The following PCDHGA5 variants were observed in gnomAD, a reference collection of about 807,000 sequenced individuals.
PCDHGA5 encodes protocadherin gamma-A5.
Under a neutral mutation model 56.7 loss-of-function variants are expected in PCDHGA5, and 36 were observed. The observed-to-expected ratio is 0.64, with a 90% confidence interval of 0.49 to 0.84. The LOEUF is 0.84. PCDHGA5 is among the 40% of genes least tolerant of loss of function. The probability of loss-of-function intolerance (pLI) is 0.00; values close to 1 mark genes in which losing one functional copy is unlikely to be tolerated. For missense variants in PCDHGA5, 1,305 were observed against 1,201.5 expected (o/e 1.09, Z -1.27); for synonymous variants, 563 against 520.2 (o/e 1.08, Z -1.12).
At position 141,432,646 on chromosome 5, in the gene PCDHGA5, G is replaced by A. The variant is rs780822589; in HGVS notation, c.2422-62161G>A. 9.3e-6 allele frequency: 15 copies of A among 1,613,690 alleles called. No individual in the cohort carries two copies. The highest frequency in any genetic ancestry group is 1.3e-5 in the Non-Finnish European group (15 of 1,179,944). ...TGCACACGGGCGAGGTGCGCACGGCGCGAGCCCTGCTGGACAGAGACGCGC... is the reference window on the plus strand; with the variant it reads ...TGCACACGGGCGAGGTGCGCACGGCACGAGCCCTGCTGGACAGAGACGCGC... On this transcript the variant is annotated intron_variant, in intron 1 of 3. Transcript: ENST00000518069. This position sits in a 1 kb window ranked among gnomAD's most constrained non-coding sequence, Gnocchi z 6.0.
Position 141,365,502 on chromosome 5 carries a change from C to A in PCDHGA5, c.1172C>A (p.Pro391His), listed in dbSNP as rs373907411. ...GCATGCTCTATTCCTAGGAATTTGC[C>A]TTTTAAATTGGAGAAGTCAGTTGAT... ...EIACSIPRNLPFKLEKSVDNY... is the reference protein window; with the variant it reads ...EIACSIPRNLHFKLEKSVDNY... Residue 391 changes from proline (P) to histidine (H), a missense_variant, in exon 1 of 4, where the codon CCT becomes CAT. Physicochemically the swap from Pro to His is moderately conservative, Grantham distance 77. Transcript: ENST00000518069. 122 of 1,613,800 alleles carry A rather than the reference C, an allele frequency of 7.6e-5. No individual in the cohort carries two copies. Among genetic ancestry groups the A allele is most frequent in the Admixed American group, 1.3e-4 (8 of 60,004 alleles).
chr5:141,415,062 G>C, intron 1 of PCDHGA5: 1 of 1,613,426 alleles, frequency 6.2e-7, no homozygotes, highest in Non-Finnish European at 8.5e-7. Context: ...ACACGGGCGA[G>C]GTGCGCACGG....
Position 141,485,633 on chromosome 5 carries a change from T to C in PCDHGA5, c.2422-9174T>C. 2 of 1,611,808 alleles carry C rather than the reference T, an allele frequency of 1.2e-6. No homozygotes were observed. Among genetic ancestry groups the C allele is most frequent in the South Asian group, 1.1e-5 (1 of 90,962 alleles). On this transcript the variant is annotated intron_variant, in intron 1 of 3. Coordinates refer to ENST00000518069, the MANE Select transcript of PCDHGA5 (RefSeq NM_018918.3). The surrounding 1 kb of genome is among the most constrained non-coding windows in gnomAD (Gnocchi z 5.7). Reference sequence around the variant, plus strand: ...AGCTCCTCCAGGACAGCGTTTCCCGTTGGAAAAGGCTCAGGATGCAGATGT... The same window carrying C: ...AGCTCCTCCAGGACAGCGTTTCCCGCTGGAAAAGGCTCAGGATGCAGATGT...
intron 1 of PCDHGA5, among the ~76,000 whole-genome samples, chr5:141,438,211 A>G (rs767576436): frequency 7.8e-4 from 119 of 152,308 alleles, no homozygotes; most frequent in Admixed American, 2.3e-3. Context: ...CCATATGGGA[A>G]GGGCTCTGGT....
At chr5:141,417,030 T>G (rs1460954160) in intron 1 of PCDHGA5, 1 of 86,454 alleles carries the variant, frequency 1.2e-5, no homozygotes, top group East Asian at 2.9e-4. Flanking sequence ...AAATACAGGT[T>G]TTTTTTTTAA....
At chr5:141,383,378 C>G (rs753458256) in intron 1 of PCDHGA5, 1 of 1,614,002 alleles carries the variant, frequency 6.2e-7, no homozygotes, top group Non-Finnish European at 8.5e-7. Context: ...GCTGGGGATC[C>G]AGATGTGGGC....
rs1369956811 is a variant in PCDHGA5, at chr5:141,460,759, A to G, written c.2422-34048A>G. Among the ~76,000 whole-genome samples, 3 of 152,088 alleles carry G rather than the reference A, an allele frequency of 2.0e-5. No individual in the cohort carries two copies. In the East Asian group the frequency reaches 5.8e-4, roughly 29 times the overall value. On this transcript the variant is annotated intron_variant, in intron 1 of 3. Coordinates refer to ENST00000518069, the MANE Select transcript of PCDHGA5 (RefSeq NM_018918.3). ...ATTGTATATATATGTGTACATATAC[A>G]TATTGCATATGTATGTATACATATA...
intron 1 of PCDHGA5, chr5:141,388,273 C>G: frequency 6.3e-7 from 1 of 1,597,470 alleles, no homozygotes; most frequent in East Asian, 2.3e-5. Context: ...AATGACCACA[C>G]GCCAAAATTC....
chr5:141,388,630 T>C (rs754073337), intron 1 of PCDHGA5: 1 of 1,613,816 alleles, frequency 6.2e-7, no homozygotes, highest in Non-Finnish European at 8.5e-7. Flanking sequence ...GTATACAGGG[T>C]GAGCCTTTCA....
Position 141,364,904 on chromosome 5 carries a change from C to G in PCDHGA5, c.574C>G (p.Pro192Ala), listed in dbSNP as rs748515825. 1.2e-5 allele frequency: 19 copies of G among 1,613,876 alleles called. No homozygotes were observed. The highest frequency in any genetic ancestry group is 1.7e-6 in the Non-Finnish European group (2 of 1,179,898). Residue 192 changes from proline (P) to alanine (A), a missense_variant, in exon 1 of 4, where the codon CCG becomes GCG. By Grantham distance (27) the Pro-to-Ala change is conservative. Transcript: ENST00000518069. ...AAGCGGAACTGATGGACAAAAGTAT[C>G]CGGAGCTGGTGTTGGAACAGCCCCT... is the stretch of plus-strand genomic sequence containing the variant. ...VVSGTDGQKY[P>A]ELVLEQPLDR...
intron 1 of PCDHGA5, chr5:141,393,238 T>A: frequency 1.2e-6 from 2 of 1,613,734 alleles, no homozygotes; most frequent in Non-Finnish European, 8.5e-7. Context: ...GAAGTAAAAA[T>A]TAACGAAATC....
intron 1 of PCDHGA5, chr5:141,405,039 C>T (rs1227328278): frequency 1.2e-6 from 2 of 1,613,880 alleles, no homozygotes; most frequent in Non-Finnish European, 1.7e-6. Flanking sequence ...CTCGTTGTGG[C>T]TGTGGCAGTC....
intron 1 of PCDHGA5, chr5:141,478,091 A>G: frequency 6.2e-7 from 1 of 1,613,972 alleles, no homozygotes; most frequent in African/African-American, 1.3e-5. Flanking sequence ...GCTCTCCACC[A>G]CTGCTACCCT....
chr5:141,392,628 A>C (rs2092566593), intron 1 of PCDHGA5: 2 of 588,334 alleles, frequency 3.4e-6, no homozygotes, highest in South Asian at 5.4e-5. Flanking sequence ...AAACACTCAG[A>C]TCTCACACCT....
chr5:141,505,324 G>A, intron 2 of PCDHGA5, 69 bp from the exon 3 acceptor site: 2 of 1,607,104 alleles, frequency 1.2e-6, no homozygotes, highest in African/African-American at 1.3e-5. Context: ...GGAGCCCTGG[G>A]AGAGGACAGG....
chr5:141,406,434 A>G (rs1203599965), intron 1 of PCDHGA5, among the ~76,000 whole-genome samples: 1 of 152,238 alleles, frequency 6.6e-6, no homozygotes, highest in Non-Finnish European at 1.5e-5. Context: ...TATTGCTTCT[A>G]TTCTTCCATT....
chr5:141,376,171 G>A (rs758847977), intron 1 of PCDHGA5: 1 of 1,614,096 alleles, frequency 6.2e-7, no homozygotes, highest in Non-Finnish European at 8.5e-7. Context: ...TGGTGGTGGC[G>A]GTGGCCGCGG....
intron 1 of PCDHGA5, chr5:141,478,798 T>G: frequency 6.8e-7 from 1 of 1,463,780 alleles, no homozygotes. Flanking sequence ...TCCTCAGCAC[T>G]CTTTTGCTAT....
intron 1 of PCDHGA5, chr5:141,377,873 T>C (rs1304157749): frequency 6.6e-6 from 1 of 152,196 alleles, no homozygotes; most frequent in Admixed American, 6.5e-5. Context: ...AGACTTCTCT[T>C]ATCAGAGATA....
Sources: allele counts gnomAD v4.1 joint callset (sites outside exome capture counted in the v4.1 genomes callset), GRCh38; gene constraint gnomAD v4.1.1; non-coding constraint Gnocchi (gnomAD v3.1); transcripts MANE v1.5; gene names NCBI Gene and HGNC (gene_info 2026-07-23, HGNC 2026-07-21).